Variants in SRGAP2C observed in about 807,000 individuals in gnomAD.
SRGAP2C encodes SLIT-ROBO Rho GTPase activating protein 2C, also known as SLIT-ROBO Rho GTPase-activating protein 2C.
Under a neutral mutation model 25.1 loss-of-function variants are expected in SRGAP2C, and 15 were observed. That is an observed-to-expected ratio of 0.60 (90% CI 0.40 to 0.92). The LOEUF (loss-of-function observed/expected upper bound fraction) is 0.92. Ranked by LOEUF, SRGAP2C falls within the 40% of genes least tolerant of loss-of-function variation. The pLI, the probability that SRGAP2C is intolerant of heterozygous loss-of-function variation, is 0.00. For missense variants in SRGAP2C, 144 were observed against 264.4 expected, an observed-to-expected ratio of 0.54 and a Z score of 3.16; for synonymous variants, 44 against 96.6, an observed-to-expected ratio of 0.46 and a Z score of 3.19.
intron 2 of SRGAP2C, among the ~76,000 whole-genome samples, chr1:121,204,360 C>T (rs1406596555): frequency 1.3e-5 from 2 of 150,260 alleles, no homozygotes; most frequent in Non-Finnish European, 3.0e-5. Context: ...TATAGATAAA[C>T]TGAGATAATA....
chr1:121,314,846 A>G (rs1284754762), intron 3 of SRGAP2C: 9 of 522,584 alleles, frequency 1.7e-5, no homozygotes, highest in South Asian at 6.4e-5. Flanking sequence ...ATGGAAATGC[A>G]GAAATCACCC....
At chr1:121,222,527 G>C (rs1439585749) in intron 2 of SRGAP2C, among the ~76,000 whole-genome samples, 1 of 152,130 alleles carries the variant, frequency 6.6e-6, no homozygotes, top group African/African-American at 2.4e-5. Flanking sequence ...TACTTGGGAG[G>C]CTGAGGCAGG....
At chr1:121,370,332 C>G (rs1172358709) in intron 5 of SRGAP2C, among the ~76,000 whole-genome samples, 1 of 142,442 alleles carries the variant, frequency 7.0e-6, no homozygotes, top group Non-Finnish European at 1.5e-5. Flanking sequence ...CTCAGCTGAA[C>G]CTTGTATCCC....
At chr1:121,375,017 C>T in intron 7 of SRGAP2C, 63 bp downstream of exon 7, 2 of 737,512 alleles carry the variant, frequency 2.7e-6, no homozygotes, top group Non-Finnish European at 5.1e-6. Flanking sequence ...ACTCGTCAGA[C>T]ATTCCCGATA....
intron 4 of SRGAP2C, among the ~76,000 whole-genome samples, chr1:121,329,852 C>T (rs1450937548): frequency 1.1e-4 from 16 of 152,160 alleles, no homozygotes; most frequent in Non-Finnish European, 1.9e-4. Flanking sequence ...CTGACTTTGT[C>T]TAGGACAAGA....
intron 8 of SRGAP2C, among the ~76,000 whole-genome samples, chr1:121,385,905 G>A (rs1553356261): frequency 1.3e-5 from 2 of 150,798 alleles, no homozygotes; most frequent in Non-Finnish European, 2.9e-5. Flanking sequence ...ATCTAGGGAA[G>A]GCCTGGGGTA....
At chr1:121,189,963 T>C (rs1390221304) in intron 2 of SRGAP2C, among the ~76,000 whole-genome samples, 1 of 143,464 alleles carries the variant, frequency 7.0e-6, no homozygotes, top group African/African-American at 2.6e-5. Context: ...AGCCAAACCA[T>C]GGCAGCTTGA....
intron 7 of SRGAP2C, among the ~76,000 whole-genome samples, chr1:121,379,316 C>T (rs1468849326): frequency 6.6e-6 from 1 of 151,436 alleles, no homozygotes; most frequent in Non-Finnish European, 1.5e-5. Flanking sequence ...AGTCATCATA[C>T]ATCTGGATGG....
At chr1:121,289,878 GAGA>G (rs1363913722) in intron 3 of SRGAP2C, among the ~76,000 whole-genome samples, 1 of 21,104 alleles carries the variant, frequency 4.7e-5, no homozygotes, top group Non-Finnish European at 1.0e-4. Flanking sequence ...TGTGGTTGGA[GAGA>G]AGATTTTGAA....
At chr1:121,280,100 G>A (rs1657207370) in intron 2 of SRGAP2C, among the ~76,000 whole-genome samples, 1 of 148,986 alleles carries the variant, frequency 6.7e-6, no homozygotes, top group African/African-American at 2.5e-5. Context: ...TATTCACAAG[G>A]TTGAGCAACA....
At chr1:121,357,459 C>CCCTAT (rs1659089235) in intron 4 of SRGAP2C, among the ~76,000 whole-genome samples, 1 of 151,644 alleles carries the variant, frequency 6.6e-6, no homozygotes, top group African/African-American at 2.4e-5. Flanking sequence ...ATTCTGCCAC[C>CCCTAT]CCTACCTTCA....
At chr1:121,280,412 T>A (rs1657214932) in intron 2 of SRGAP2C, among the ~76,000 whole-genome samples, 1 of 151,698 alleles carries the variant, frequency 6.6e-6, no homozygotes. Flanking sequence ...TAATAAAGAA[T>A]ATTTAAAGCA....
chr1:121,372,151 T>A (rs1306342852), intron 5 of SRGAP2C, among the ~76,000 whole-genome samples: 1 of 151,340 alleles, frequency 6.6e-6, no homozygotes, highest in Admixed American at 6.6e-5. Flanking sequence ...CATTCTGCAT[T>A]CAAAATGAGA....
At chr1:121,267,470 G>A (rs1446363606) in intron 2 of SRGAP2C, among the ~76,000 whole-genome samples, 2 of 148,304 alleles carry the variant, frequency 1.3e-5, no homozygotes, top group Non-Finnish European at 3.0e-5. Flanking sequence ...GGGATTACAG[G>A]TGTGAGCCAC....
At chr1:121,331,997 C>G (rs1432528516) in intron 4 of SRGAP2C, among the ~76,000 whole-genome samples, 2 of 140,880 alleles carry the variant, frequency 1.4e-5, no homozygotes, top group African/African-American at 5.3e-5. Flanking sequence ...ACATTTTAAA[C>G]AATGCTTTAT....
At chr1:121,196,982 GTTAATA>G (rs1270414020) in intron 2 of SRGAP2C, among the ~76,000 whole-genome samples, 2 of 151,272 alleles carry the variant, frequency 1.3e-5, no homozygotes, top group African/African-American at 4.9e-5. Context: ...ATAAAAGACT[GTTAATA>G]TTAATCACTT....
At chr1:121,317,950 C>A (rs1658126568) in intron 3 of SRGAP2C, among the ~76,000 whole-genome samples, 2 of 79,852 alleles carry the variant, frequency 2.5e-5, no homozygotes, top group South Asian at 6.5e-4. Flanking sequence ...ATTATTTTTG[C>A]CTTTGGCACT....
intron 2 of SRGAP2C, among the ~76,000 whole-genome samples, chr1:121,191,948 G>C (rs1256272154): frequency 2.0e-5 from 3 of 146,932 alleles, no homozygotes; most frequent in Non-Finnish European, 4.5e-5. Context: ...GTGCACCACA[G>C]AGCTGGAAGC....
chr1:121,263,114 G>T (rs1656667405), intron 2 of SRGAP2C, among the ~76,000 whole-genome samples: 1 of 151,732 alleles, frequency 6.6e-6, no homozygotes, highest in Non-Finnish European at 1.5e-5. Context: ...AGCACTTTGG[G>T]AGGCTGAGTT....
Sources: gnomAD v4.1 joint callset for allele counts (sites outside exome capture counted in the v4.1 genomes callset) on GRCh38, gnomAD v4.1.1 for gene constraint, MANE v1.5 for transcripts, NCBI Gene and HGNC (gene_info 2026-07-23, HGNC 2026-07-21) for gene names.